The following KLHL25 variants were observed in gnomAD, a reference collection of about 807,000 sequenced individuals.
KLHL25 encodes the protein kelch like family member 25, also known as kelch-like protein 25.
A neutral mutation model predicts 30.0 loss-of-function variants in KLHL25; 41 were observed. The observed-to-expected ratio is 1.37, with a 90% CI of 1.07 to 1.78. KLHL25 has a LOEUF of 1.78. Among genes scored for constraint, KLHL25 ranks in the 40% most tolerant of loss-of-function variants. The pLI, the probability that KLHL25 is intolerant of heterozygous loss-of-function variation, is 0.00. For synonymous variants in KLHL25, 399 were observed against 355.3 expected (o/e 1.12, Z -1.38); for missense variants, 971 against 824.5 (o/e 1.18, Z -2.18).
intron 2 of KLHL25, among the ~76,000 whole-genome samples, chr15:85,767,759 T>C (rs2089634457): frequency 6.6e-6 from 1 of 152,212 alleles, no homozygotes; most frequent in African/African-American, 2.4e-5. Context: ...TTCTGAAGTA[T>C]AACCATGTTT....
chr15:85,786,758 A>G (rs1399150793), intron 1 of KLHL25, among the ~76,000 whole-genome samples: 1 of 152,236 alleles, frequency 6.6e-6, no homozygotes, highest in Non-Finnish European at 1.5e-5. Context: ...CCTCCCCTGG[A>G]TATGCTGGCT....
At chr15:85,783,889 C>A (rs1208499276) in intron 1 of KLHL25, among the ~76,000 whole-genome samples, 1 of 152,058 alleles carries the variant, frequency 6.6e-6, no homozygotes, top group Non-Finnish European at 1.5e-5. Flanking sequence ...AAAACTGGTC[C>A]AAGATACTGA....
chr15:85,791,194 C>A (rs1211965985), intron 1 of KLHL25, among the ~76,000 whole-genome samples: 80 of 118,916 alleles, frequency 6.7e-4, no homozygotes, highest in South Asian at 1.3e-3. Flanking sequence ...GACTCAGTCT[C>A]AAAAAAAAAA....
intron 1 of KLHL25, among the ~76,000 whole-genome samples, chr15:85,779,748 C>T (rs2089732028): frequency 6.6e-6 from 1 of 152,196 alleles, no homozygotes; most frequent in South Asian, 2.1e-4. Context: ...GCACTGGGGA[C>T]CCAGCCTTCT....
intron 1 of KLHL25, among the ~76,000 whole-genome samples, chr15:85,786,398 T>C (rs907973774): frequency 6.6e-6 from 1 of 152,168 alleles, no homozygotes; most frequent in African/African-American, 2.4e-5. Flanking sequence ...CAGTAATGAA[T>C]TCCTCTGGGG....
At chr15:85,788,827 G>A (rs145101236) in intron 1 of KLHL25, among the ~76,000 whole-genome samples, 20 of 152,284 alleles carry the variant, frequency 1.3e-4, no homozygotes, top group African/African-American at 3.9e-4. Flanking sequence ...CAACAAAAGC[G>A]TTCACAGGTT....
At chr15:85,767,072 C>T (rs1366492207) in intron 2 of KLHL25, among the ~76,000 whole-genome samples, 1 of 151,166 alleles carries the variant, frequency 6.6e-6, no homozygotes, top group East Asian at 1.9e-4. Flanking sequence ...CTCACTGCAG[C>T]CTCTGTCTCC....
At chr15:85,762,027 TGCTG>T (rs2089586752) in intron 2 of KLHL25, 1 of 152,250 alleles carries the variant, frequency 6.6e-6, no homozygotes, top group African/African-American at 2.4e-5. Context: ...TCCCACACAG[TGCTG>T]GGCCGTCTGT....
At chr15:85,771,753 C>G (rs1007881771) in intron 1 of KLHL25, among the ~76,000 whole-genome samples, 2 of 152,210 alleles carry the variant, frequency 1.3e-5, no homozygotes, top group Non-Finnish European at 2.9e-5. Context: ...GAGCACTGGA[C>G]GCAGATCCAG....
chr15:85,776,874 G>C (rs1350242053), intron 1 of KLHL25, among the ~76,000 whole-genome samples: 1 of 151,316 alleles, frequency 6.6e-6, no homozygotes, highest in Non-Finnish European at 1.5e-5. Context: ...GCAGTGAGCC[G>C]AGATGCCACC....
chr15:85,785,025 C>T (rs753349183), intron 1 of KLHL25, among the ~76,000 whole-genome samples: 1 of 152,086 alleles, frequency 6.6e-6, no homozygotes, highest in Non-Finnish European at 1.5e-5. Context: ...GAAGACAACT[C>T]ACGCTTTCTG....
At position 85,769,402 on chromosome 15, in the gene KLHL25, C is replaced by G. The variant is rs777330803; in HGVS notation, c.409G>C (p.Ala137Pro). Residue 137 changes from alanine (A) to proline (P), a missense_variant, in exon 2 of 3, where the codon GCC becomes CCC. Coordinates refer to ENST00000337975, the MANE Select transcript of KLHL25 (RefSeq NM_022480.4). ...AAAAGGTTCTTCTCCAGGAACTCGGCGGCAGCATCCCGCACATCGTGGAAC... is the reference window on the plus strand; with the variant it reads ...AAAAGGTTCTTCTCCAGGAACTCGGGGGCAGCATCCCGCACATCGTGGAAC... ...LQFHDVRDAA[A>P]EFLEKNLFPS... is the part of the protein sequence containing the mutation. 3.1e-6 allele frequency: 5 copies of G among 1,614,148 alleles called. No individual in the cohort carries two copies. Among genetic ancestry groups the G allele is most frequent in the Non-Finnish European group, 3.4e-6 (4 of 1,180,036 alleles).
At chr15:85,785,785 C>T (rs570546983) in intron 1 of KLHL25, among the ~76,000 whole-genome samples, 2 of 152,270 alleles carry the variant, frequency 1.3e-5, no homozygotes, top group South Asian at 4.1e-4. Flanking sequence ...TTGTACCTCC[C>T]AGTAAAAAGT....
Position 85,789,169 on chromosome 15 carries a change from C to G in KLHL25, c.-11+5597G>C, listed in dbSNP as rs1473780795. On this transcript the variant is annotated intron_variant, in intron 1 of 2. Coordinates refer to ENST00000337975, the MANE Select transcript of KLHL25 (RefSeq NM_022480.4). This position sits in a 1 kb window ranked among gnomAD's most constrained non-coding sequence, Gnocchi z 4.1. ...TTTGTCTCCATCCTTTCCCTGCATC[C>G]TACTCCTCACCACTCGGCTGATGGT... 6.6e-6 allele frequency among the ~76,000 whole-genome samples: 1 copy of G among 152,204 alleles called. No individual in the cohort carries two copies. Among genetic ancestry groups the G allele is most frequent in the Non-Finnish European group, 1.5e-5 (1 of 68,032 alleles).
At chr15:85,777,722 G>A (rs960239328) in intron 1 of KLHL25, among the ~76,000 whole-genome samples, 8 of 152,292 alleles carry the variant, frequency 5.3e-5, no homozygotes, top group South Asian at 4.1e-4. Context: ...CCAGAGGAAC[G>A]GGTCAGGCGG....
intron 1 of KLHL25, among the ~76,000 whole-genome samples, chr15:85,773,611 G>A (rs972872383): frequency 2.6e-5 from 4 of 152,176 alleles, no homozygotes; most frequent in East Asian, 3.9e-4. Context: ...CCTGGCTGAT[G>A]AGCTAGTGTC....
rs2089801640 is a variant in KLHL25, at chr15:85,789,385, C to T, written c.-11+5381G>A. Among the ~76,000 whole-genome samples, 1 of 135,412 alleles carries T rather than the reference C, an allele frequency of 7.4e-6. No homozygotes were observed. Among genetic ancestry groups the T allele is most frequent in the African/African-American group, 2.6e-5 (1 of 38,978 alleles). 88.8% of individuals were successfully genotyped at this position (135,412 alleles called of 152,430 possible). On this transcript the variant is annotated intron_variant, in intron 1 of 2. Transcript: ENST00000337975. The surrounding 1 kb of genome is among the most constrained non-coding windows in gnomAD (Gnocchi z 4.1). The stretch of plus-strand genomic sequence containing the variant: ...CTGCCCTGCTGGGCTCCCTTGAGAT[C>T]CCTTTTTTTTTTTTTGACAGAATTT...
chr15:85,769,054 C>T lies in KLHL25; in HGVS notation c.757G>A (p.Glu253Lys), dbSNP rs768561009. The T allele has an allele frequency of 9.3e-6, 15 of 1,606,944 alleles. No homozygotes were observed. Among genetic ancestry groups the T allele is most frequent in the Non-Finnish European group, 1.1e-5 (13 of 1,176,112 alleles). ...CGCTCGTCTGCCATGAGGAGGGCCTCGCTGGAGACGGCCTCCTGCAGGCAG... is the reference window on the plus strand; with the variant it reads ...CGCTCGTCTGCCATGAGGAGGGCCTTGCTGGAGACGGCCTCCTGCAGGCAG... ...SDCLQEAVSS[E>K]ALLMADERTK... Residue 253 changes from glutamate (E) to lysine (K), a missense_variant, in exon 2 of 3, where the codon GAG becomes AAG. Glu to Lys is a moderately conservative substitution (Grantham distance 56, BLOSUM62 1). Coordinates refer to ENST00000337975, the MANE Select transcript of KLHL25 (RefSeq NM_022480.4).
Position 85,759,965 on chromosome 15 carries a change from G to A in KLHL25, c.*1071C>T, listed in dbSNP as rs974858387. 1 of 152,262 alleles carries A rather than the reference G, an allele frequency of 6.6e-6. No homozygotes were observed. Among genetic ancestry groups the A allele is most frequent in the Non-Finnish European group, 1.5e-5 (1 of 68,074 alleles). 9.4% of individuals were successfully genotyped at this position (152,262 alleles called of 1,614,324 possible). On this transcript the variant is annotated 3_prime_UTR_variant, in exon 3 of 3. Transcript: ENST00000337975. Reference sequence around the variant, plus strand: ...GTGAGGGACCCCAGTGACTCAGGAGGTGACAGCAATGAACAAATGTTCAGC... The same window carrying A: ...GTGAGGGACCCCAGTGACTCAGGAGATGACAGCAATGAACAAATGTTCAGC...
Sources: allele counts gnomAD v4.1 joint callset (sites outside exome capture counted in the v4.1 genomes callset), GRCh38; gene constraint gnomAD v4.1.1; non-coding constraint Gnocchi (gnomAD v3.1); transcripts MANE v1.5; gene names NCBI Gene and HGNC (gene_info 2026-07-23, HGNC 2026-07-21).